Variants in MAP2K6 observed in about 807,000 individuals in gnomAD.
The protein encoded by MAP2K6 is mitogen-activated protein kinase kinase 6, also known as dual specificity mitogen-activated protein kinase kinase 6.
Under a neutral mutation model 53.7 loss-of-function variants are expected in MAP2K6, and 16 were observed. The ratio of observed to expected loss-of-function variants is 0.30; its 90% confidence interval spans 0.20 to 0.45. The LOEUF is 0.45. Among genes scored for constraint, MAP2K6 ranks in the 20% least tolerant of loss-of-function variants. The pLI is 1.00. For synonymous variants in MAP2K6, 132 were observed against 143.1 expected (o/e 0.92, Z 0.55); for missense variants, 204 against 411.9 (o/e 0.50, Z 4.37).
intron 1 of MAP2K6, among the ~76,000 whole-genome samples, chr17:69,461,862 T>TA (rs980424590): frequency 6.6e-6 from 1 of 152,048 alleles, no homozygotes; most frequent in Non-Finnish European, 1.5e-5. Context: ...CATTACCAAA[T>TA]AAAAAAGAAA....
intron 1 of MAP2K6, among the ~76,000 whole-genome samples, chr17:69,442,681 C>T (rs932897852): frequency 3.9e-5 from 6 of 152,126 alleles, no homozygotes; most frequent in Admixed American, 3.3e-4. Context: ...AACCTAGTTC[C>T]CTTTGTCCCT....
intron 1 of MAP2K6, among the ~76,000 whole-genome samples, chr17:69,417,778 A>G (rs1000049655): frequency 6.6e-6 from 1 of 152,196 alleles, no homozygotes; most frequent in Non-Finnish European, 1.5e-5. Flanking sequence ...AGCCATAATG[A>G]TCTCCGGAGG....
chr17:69,464,755 G>T (rs1039719602), intron 1 of MAP2K6, among the ~76,000 whole-genome samples: 2 of 152,022 alleles, frequency 1.3e-5, no homozygotes, highest in Admixed American at 1.3e-4. Context: ...TCGCTCTGTT[G>T]CCCCAGCTGG....
Position 69,541,905 on chromosome 17 carries a change from C to T in MAP2K6, c.*152C>T. 3.6e-6 allele frequency: 2 copies of T among 552,254 alleles called. No individual in the cohort carries two copies. Among genetic ancestry groups the T allele is most frequent in the Admixed American group, 3.1e-5 (1 of 31,768 alleles). The allele number at this position is 552,254 out of a possible 1,614,324, so 34.2% of individuals were successfully genotyped here. A position where few individuals can be genotyped will look rare whatever the true frequency, so the allele number is the denominator to read the frequency against. On this transcript the variant is annotated 3_prime_UTR_variant, in exon 12 of 12. Coordinates refer to ENST00000590474, the MANE Select transcript of MAP2K6 (RefSeq NM_002758.4). ...TCTCCCAATTTTCTTTTTACTCCCC[C>T]TCTTAAGGGGGCCTTGGAATCTATA...
intron 1 of MAP2K6, chr17:69,434,813 G>C (rs1455738134): frequency 6.6e-6 from 1 of 152,074 alleles, no homozygotes; most frequent in Non-Finnish European, 1.5e-5. Flanking sequence ...AACAAGATCT[G>C]TGATCTCCTC....
chr17:69,438,363 T>C (rs1906713633), intron 1 of MAP2K6, among the ~76,000 whole-genome samples: 1 of 152,178 alleles, frequency 6.6e-6, no homozygotes, highest in South Asian at 2.1e-4. Context: ...CTAAGCTCAT[T>C]TACATGCATT....
chr17:69,478,298 G>T (rs925764542), intron 1 of MAP2K6, among the ~76,000 whole-genome samples: 1 of 152,180 alleles, frequency 6.6e-6, no homozygotes, highest in African/African-American at 2.4e-5. Flanking sequence ...TTCAGGCCAC[G>T]CAGGAAGTTA....
At chr17:69,537,845 G>A (rs570511399) in intron 11 of MAP2K6, among the ~76,000 whole-genome samples, 2 of 152,234 alleles carry the variant, frequency 1.3e-5, no homozygotes, top group South Asian at 4.1e-4. Flanking sequence ...TGTTTAAGTT[G>A]AATATTTTCT....
At chr17:69,426,566 G>A (rs560998984) in intron 1 of MAP2K6, among the ~76,000 whole-genome samples, 43 of 152,180 alleles carry the variant, frequency 2.8e-4, no homozygotes, top group Non-Finnish European at 5.4e-4. Context: ...GCATAAAAAT[G>A]TGTAGAATCT....
At chr17:69,509,182 A>G (rs554998849) in intron 2 of MAP2K6, among the ~76,000 whole-genome samples, 79 of 152,364 alleles carry the variant, frequency 5.2e-4, no homozygotes, top group Middle Eastern at 6.8e-3. Context: ...TGTTTAAGCT[A>G]TAGATCAATT....
intron 1 of MAP2K6, among the ~76,000 whole-genome samples, chr17:69,422,776 G>A (rs942432185): frequency 6.6e-6 from 1 of 152,238 alleles, no homozygotes; most frequent in Non-Finnish European, 1.5e-5. Context: ...GCCCATGGCT[G>A]GATAGCGAGT....
chr17:69,418,729 C>T lies in MAP2K6; in HGVS notation c.16+3729C>T, dbSNP rs550809715. ...TAACTTTCACTATTGTGAATATTTC[C>T]GTGATGATCATACCAGTTCCTACAT... On this transcript the variant is annotated intron_variant, in intron 1 of 11. Coordinates refer to ENST00000590474, the MANE Select transcript of MAP2K6 (RefSeq NM_002758.4). Among the ~76,000 whole-genome samples the T allele has an allele frequency of 9.9e-5, 15 of 152,046 alleles. No individual in the cohort carries two copies. In the South Asian group the frequency reaches 1.9e-3, roughly 19 times the overall value.
chr17:69,471,427 A>G (rs1316599200), intron 1 of MAP2K6, among the ~76,000 whole-genome samples: 3 of 152,218 alleles, frequency 2.0e-5, no homozygotes, highest in African/African-American at 7.2e-5. Flanking sequence ...AGGGACAGAA[A>G]ACAAAATACT....
intron 1 of MAP2K6, among the ~76,000 whole-genome samples, chr17:69,491,120 C>T (rs146232873): frequency 0.012 from 1,711 of 139,462 alleles, 34 homozygotes; most frequent in African/African-American, 0.05. Flanking sequence ...TCCTTCCTTC[C>T]TTCCTTCCTT....
chr17:69,450,586 G>A (rs1907186930), intron 1 of MAP2K6, among the ~76,000 whole-genome samples: 1 of 152,192 alleles, frequency 6.6e-6, no homozygotes, highest in African/African-American at 2.4e-5. Flanking sequence ...CAATCTGGAA[G>A]TAGGACGTGG....
At chr17:69,505,016 C>T (rs528708086) in intron 1 of MAP2K6, among the ~76,000 whole-genome samples, 1 of 150,372 alleles carries the variant, frequency 6.7e-6, no homozygotes, top group East Asian at 2.0e-4. Flanking sequence ...TAGTAGTTAA[C>T]AGATCGATTT....
chr17:69,489,509 T>G (rs1908666161), intron 1 of MAP2K6, among the ~76,000 whole-genome samples: 1 of 152,236 alleles, frequency 6.6e-6, no homozygotes, highest in Admixed American at 6.5e-5. Context: ...TTTGACACCC[T>G]GAGTTATGGC....
chr17:69,458,468 C>G lies in MAP2K6; in HGVS notation c.16+43468C>G, dbSNP rs142590303. On this transcript the variant is annotated intron_variant, in intron 1 of 11. Coordinates refer to ENST00000590474, the MANE Select transcript of MAP2K6 (RefSeq NM_002758.4). ...AATACCTCAGGAGATTCTTATCACCCTGAAGTATAAGGACCACATTCCAGG... is the reference window on the plus strand; with the variant it reads ...AATACCTCAGGAGATTCTTATCACCGTGAAGTATAAGGACCACATTCCAGG... Among the ~76,000 whole-genome samples the G allele has an allele frequency of 2.0e-5, 3 of 152,314 alleles. No individual in the cohort carries two copies. In the East Asian group the frequency reaches 5.8e-4, roughly 29 times the overall value.
At chr17:69,508,533 T>C (rs1598298279) in intron 2 of MAP2K6, among the ~76,000 whole-genome samples, 1 of 152,262 alleles carries the variant, frequency 6.6e-6, no homozygotes, top group African/African-American at 2.4e-5. Flanking sequence ...TATTTGTATA[T>C]TCTGGACACG....
Sources: allele counts gnomAD v4.1 joint callset (sites outside exome capture counted in the v4.1 genomes callset), GRCh38; gene constraint gnomAD v4.1.1; transcripts MANE v1.5; gene names NCBI Gene and HGNC (gene_info 2026-07-23, HGNC 2026-07-21).